The following IFT88 variants were observed in gnomAD, a reference collection of about 807,000 sequenced individuals.
IFT88 encodes the protein intraflagellar transport protein 88 homolog.
A neutral mutation model predicts 119.5 loss-of-function variants in IFT88; 74 were observed. The observed-to-expected ratio is 0.62, with a 90% confidence interval of 0.51 to 0.75. The LOEUF (loss-of-function observed/expected upper bound fraction) is 0.75, where lower values mean the gene tolerates loss of function less well. Among genes scored for constraint, IFT88 ranks in the 30% least tolerant of loss-of-function variants. The pLI, the probability that IFT88 is intolerant of heterozygous loss-of-function variation, is 0.00. For synonymous variants in IFT88, 279 were observed against 316.7 expected (o/e 0.88, Z 1.26); for missense variants, 961 against 977.7 (o/e 0.98, Z 0.23).
At chr13:20,620,204 T>C (rs1478459535) in intron 14 of IFT88, among the ~76,000 whole-genome samples, 2 of 152,178 alleles carry the variant, frequency 1.3e-5, no homozygotes, top group Non-Finnish European at 2.9e-5. Context: ...AAGATTTTTT[T>C]TTTCTTTTCT....
At chr13:20,607,140 G>C (rs2043623800) in intron 13 of IFT88, 2 of 401,108 alleles carry the variant, frequency 5.0e-6, no homozygotes, top group East Asian at 8.5e-5. Context: ...GTGTCCTTGT[G>C]CCACATCCTG....
At chr13:20,614,819 T>C (rs1566201182) in intron 13 of IFT88, among the ~76,000 whole-genome samples, 1 of 141,900 alleles carries the variant, frequency 7.0e-6, no homozygotes, top group African/African-American at 2.5e-5. Flanking sequence ...TTTCTTTTCT[T>C]TTTTTTTTTT....
At chr13:20,575,071 T>A (rs1051035514) in intron 2 of IFT88, among the ~76,000 whole-genome samples, 1 of 152,058 alleles carries the variant, frequency 6.6e-6, no homozygotes, top group African/African-American at 2.4e-5. Context: ...TTTTGTTTTT[T>A]TTTTTGTACC....
At chr13:20,592,496 A>G (rs1159441078) in intron 7 of IFT88, 92 bp downstream of exon 7, 8 of 855,872 alleles carry the variant, frequency 9.3e-6, no homozygotes, top group African/African-American at 1.7e-5. Context: ...TTGAGATGAT[A>G]TCTCACTCTG....
At chr13:20,640,571 A>T (rs945127595) in intron 17 of IFT88, among the ~76,000 whole-genome samples, 1 of 144,242 alleles carries the variant, frequency 6.9e-6, no homozygotes, top group African/African-American at 2.6e-5. Flanking sequence ...ACTCCGTCTC[A>T]AAATAAATAA....
intron 14 of IFT88, among the ~76,000 whole-genome samples, chr13:20,620,181 G>A (rs1341018834): frequency 6.6e-6 from 1 of 152,064 alleles, no homozygotes; most frequent in African/African-American, 2.4e-5. Flanking sequence ...TGTGTGTAGT[G>A]TGAAGTAAGG....
At chr13:20,611,037 A>T (rs1336217908) in intron 13 of IFT88, among the ~76,000 whole-genome samples, 1 of 151,884 alleles carries the variant, frequency 6.6e-6, no homozygotes, top group Non-Finnish European at 1.5e-5. Context: ...GTCTGCAGTG[A>T]GCCGTGATCA....
Position 20,691,045 on chromosome 13 carries a change from G to C in IFT88, c.2354-9G>C. 1 of 1,610,684 alleles carries C rather than the reference G, an allele frequency of 6.2e-7. No individual in the cohort carries two copies. The highest frequency in any genetic ancestry group is 8.5e-7 in the Non-Finnish European group (1 of 1,179,004). On this transcript the variant is annotated splice_polypyrimidine_tract_variant and intron_variant, in intron 25 of 25. Transcript: ENST00000351808. ...ATAACTCTAACGTGACAATCTCTTC[G>C]AAACCTAGATGCCTCCTATGTGGAC...
rs113578944 is a variant in IFT88, at chr13:20,575,327, A to G, written c.90+852A>G. Among the ~76,000 whole-genome samples the G allele has an allele frequency of 1.8e-3, 275 of 152,216 alleles. 2 individuals are homozygous for G. Among genetic ancestry groups the G allele is most frequent in the African/African-American group, 6.3e-3 (262 of 41,534 alleles). ...TTATGGCTAGTTTTCCATTGTATAT[A>G]TGTACATTTTCTTTATCCATTTGTC... On this transcript the variant is annotated intron_variant, in intron 2 of 25. Coordinates refer to ENST00000351808, the MANE Select transcript of IFT88 (RefSeq NM_006531.5).
At chr13:20,651,099 A>G (rs1209014793) in intron 20 of IFT88, among the ~76,000 whole-genome samples, 1 of 152,108 alleles carries the variant, frequency 6.6e-6, no homozygotes, top group Non-Finnish European at 1.5e-5. Context: ...TTTTAAAATC[A>G]GGAAGCATGA....
chr13:20,576,251 T>C (rs984898598), intron 2 of IFT88, among the ~76,000 whole-genome samples: 1 of 152,238 alleles, frequency 6.6e-6, no homozygotes, highest in Non-Finnish European at 1.5e-5. Flanking sequence ...TTTGAGTTCC[T>C]TACATATTCT....
intron 23 of IFT88, among the ~76,000 whole-genome samples, chr13:20,666,214 A>C (rs1465896608): frequency 6.6e-6 from 1 of 152,226 alleles, no homozygotes; most frequent in Non-Finnish European, 1.5e-5. Context: ...CATTCTTATC[A>C]GCTGTAAAAT....
chr13:20,667,540 C>T, intron 23 of IFT88, among the ~76,000 whole-genome samples: 1 of 151,988 alleles, frequency 6.6e-6, no homozygotes, highest in East Asian at 1.9e-4. Flanking sequence ...ATTTGCATTG[C>T]CTCTAATAAA....
At chr13:20,591,147 A>C in intron 5 of IFT88, 127 bp downstream of exon 5, 1 of 664,160 alleles carries the variant, frequency 1.5e-6, no homozygotes, top group South Asian at 1.9e-5. Context: ...AGTGACCCAG[A>C]TTCTTTAAAT....
chr13:20,653,212 A>G (rs1242543241), intron 20 of IFT88, among the ~76,000 whole-genome samples: 1 of 152,230 alleles, frequency 6.6e-6, no homozygotes, highest in Non-Finnish European at 1.5e-5. Context: ...TGATTCCAGT[A>G]GGTAGGTTTG....
intron 13 of IFT88, among the ~76,000 whole-genome samples, chr13:20,609,763 G>GA (rs869262969): frequency 2.8e-5 from 4 of 142,412 alleles, no homozygotes; most frequent in South Asian, 2.1e-4. Flanking sequence ...CAAACAAACA[G>GA]AAAAAAAACA....
intron 15 of IFT88, among the ~76,000 whole-genome samples, chr13:20,628,332 C>T (rs781196198): frequency 1.3e-5 from 2 of 152,076 alleles, no homozygotes; most frequent in African/African-American, 4.8e-5. Flanking sequence ...TGAAATGAAG[C>T]CATTGGCCTG....
At chr13:20,626,734 G>A (rs1026961107) in intron 15 of IFT88, among the ~76,000 whole-genome samples, 8 of 152,168 alleles carry the variant, frequency 5.3e-5, no homozygotes, top group African/African-American at 1.4e-4. Flanking sequence ...TTAGGACAGA[G>A]CTGACACACA....
chr13:20,687,597 T>C (rs906871748), intron 24 of IFT88, among the ~76,000 whole-genome samples: 1 of 152,184 alleles, frequency 6.6e-6, no homozygotes, highest in African/African-American at 2.4e-5. Flanking sequence ...GCCTTTTAAA[T>C]GACATTTTTG....
Sources: allele counts gnomAD v4.1 joint callset (sites outside exome capture counted in the v4.1 genomes callset), GRCh38; gene constraint gnomAD v4.1.1; transcripts MANE v1.5; gene names NCBI Gene and HGNC (gene_info 2026-07-23, HGNC 2026-07-21).